Variants in STAG1 observed in about 807,000 individuals in gnomAD.
STAG1 encodes STAG1 cohesin complex component, also known as cohesin subunit SA-1.
Under a neutral mutation model 170.9 loss-of-function variants are expected in STAG1, and 26 were observed. The ratio of observed to expected loss-of-function variants is 0.15; its 90% CI spans 0.11 to 0.21. The LOEUF is 0.21. Ranked by LOEUF, STAG1 falls within the 10% of genes least tolerant of loss-of-function variation. The pLI is 1.00. For missense variants in STAG1, 964 were observed against 1,509.5 expected (o/e 0.64, Z 5.99); for synonymous variants, 514 against 497.7 (o/e 1.03, Z -0.44).
Position 136,474,899 on chromosome 3 carries a change from A to T in STAG1, c.1027-1262T>A, listed in dbSNP as rs545380249. On this transcript the variant is annotated intron_variant, in intron 10 of 33. Coordinates refer to ENST00000383202, the MANE Select transcript of STAG1 (RefSeq NM_005862.3). ...ATAGACCCCTAGGAGGTTATGCTCC[A>T]TCTTTCCTCTCCCAACCACTTCCCT... Among the ~76,000 whole-genome samples the T allele has an allele frequency of 2.5e-4, 38 of 152,242 alleles. No homozygotes were observed. The South Asian group carries it at 7.2e-3, about 29-fold the overall frequency.
intron 25 of STAG1, among the ~76,000 whole-genome samples, chr3:136,365,083 G>A (rs948588546): frequency 2.0e-5 from 3 of 152,126 alleles, no homozygotes; most frequent in African/African-American, 4.8e-5. Flanking sequence ...TCACAAAAAG[G>A]TTAGAGCCTA....
intron 1 of STAG1, among the ~76,000 whole-genome samples, chr3:136,707,445 T>C (rs1943258944): frequency 6.6e-6 from 1 of 152,206 alleles, no homozygotes; most frequent in Non-Finnish European, 1.5e-5. Flanking sequence ...AATGTTCAAC[T>C]TCATCGGTCA....
At chr3:136,461,385 T>A (rs2089268947) in intron 13 of STAG1, among the ~76,000 whole-genome samples, 1 of 152,188 alleles carries the variant, frequency 6.6e-6, no homozygotes, top group South Asian at 2.1e-4. Context: ...AGTCAAATCA[T>A]CTTTGTTTGT....
chr3:136,500,818 T>TA lies in STAG1; in HGVS notation c.829-523_829-522insT, dbSNP rs1933425032. ...TAAAAAGGATCCTGGCTACTTATGG[T>TA]GAAGTACAGTAACAAAATAAATAGT... On this transcript the variant is annotated intron_variant, in intron 8 of 33. Transcript: ENST00000383202. 2.6e-5 allele frequency among the ~76,000 whole-genome samples: 4 copies of TA among 152,254 alleles called. No homozygotes were observed. The South Asian group carries it at 8.3e-4, about 32-fold the overall frequency.
intron 28 of STAG1, among the ~76,000 whole-genome samples, chr3:136,354,835 C>T (rs371567153): frequency 3.7e-5 from 4 of 108,820 alleles, no homozygotes; most frequent in East Asian, 5.9e-4. Flanking sequence ...TAGAGAATGT[C>T]AGGTTGAATT....
chr3:136,643,324 C>T (rs1043075984), intron 1 of STAG1, among the ~76,000 whole-genome samples: 2 of 152,128 alleles, frequency 1.3e-5, no homozygotes, highest in Admixed American at 6.5e-5. Context: ...TAAGAAGTTG[C>T]TATTTCTAGT....
intron 9 of STAG1, among the ~76,000 whole-genome samples, chr3:136,497,842 G>A (rs1333214956): frequency 2.8e-5 from 4 of 143,482 alleles, no homozygotes; most frequent in East Asian, 2.1e-4. Context: ...GCAACAGAGC[G>A]AGACTCATCT....
At chr3:136,355,626 G>GT in intron 28 of STAG1, among the ~76,000 whole-genome samples, 1 of 152,110 alleles carries the variant, frequency 6.6e-6, no homozygotes, top group African/African-American at 2.4e-5. Context: ...AACCAGAATG[G>GT]TAACACATTT....
chr3:136,392,363 A>G (rs1475125205), intron 22 of STAG1, among the ~76,000 whole-genome samples: 1 of 152,230 alleles, frequency 6.6e-6, no homozygotes, highest in Non-Finnish European at 1.5e-5. Flanking sequence ...TATTCTCTAT[A>G]AACTTTTCTT....
chr3:136,555,596 T>A (rs1004150179), intron 5 of STAG1, among the ~76,000 whole-genome samples: 3 of 151,988 alleles, frequency 2.0e-5, no homozygotes, highest in Non-Finnish European at 2.9e-5. Context: ...GGTAGTAGAA[T>A]CCGCTTGAAC....
chr3:136,551,190 A>AGGTT (rs1936365273), intron 5 of STAG1, among the ~76,000 whole-genome samples: 1 of 119,722 alleles, frequency 8.4e-6, no homozygotes. Flanking sequence ...TGAGAGAGAG[A>AGGTT]GAGAGGTTGA....
intron 12 of STAG1, among the ~76,000 whole-genome samples, chr3:136,472,017 T>C (rs1254064525): frequency 1.3e-5 from 2 of 152,088 alleles, no homozygotes; most frequent in Non-Finnish European, 2.9e-5. Flanking sequence ...TTTTAATCAT[T>C]TGTAGAGACA....
chr3:136,527,425 C>T (rs1367058789), intron 6 of STAG1, among the ~76,000 whole-genome samples: 1 of 152,180 alleles, frequency 6.6e-6, no homozygotes, highest in Non-Finnish European at 1.5e-5. Flanking sequence ...AGTTCTAGTG[C>T]CATGGTTTTC....
intron 23 of STAG1, among the ~76,000 whole-genome samples, chr3:136,373,396 G>C (rs929488874): frequency 5.9e-5 from 9 of 152,060 alleles, no homozygotes; most frequent in African/African-American, 2.2e-4. Context: ...GCTAGCTTTT[G>C]AATGTGCTTG....
At chr3:136,376,005 T>TAATTAACAAAATAAAATAAAATAAAATA (rs1175764770) in intron 23 of STAG1, among the ~76,000 whole-genome samples, 4,391 of 61,522 alleles carry the variant, frequency 0.071, 159 homozygotes, top group Admixed American at 0.12. Context: ...AATAAATAAA[T>TAATTAACAAAATAAAATAAAATAAAATA]AAATAATTAA....
chr3:136,543,516 T>G (rs969912408), intron 5 of STAG1, among the ~76,000 whole-genome samples: 1 of 152,182 alleles, frequency 6.6e-6, no homozygotes, highest in Non-Finnish European at 1.5e-5. Context: ...CAGACTGTAA[T>G]TGTAGTTGCA....
chr3:136,618,549 G>A (rs1257384172), intron 3 of STAG1, among the ~76,000 whole-genome samples: 2 of 152,114 alleles, frequency 1.3e-5, no homozygotes, highest in East Asian at 1.9e-4. Context: ...AAATAATGTT[G>A]AGAATATAGA....
intron 24 of STAG1, 69 bp downstream of exon 24, chr3:136,369,039 T>C (rs1937191168): frequency 7.5e-7 from 1 of 1,340,722 alleles, no homozygotes; most frequent in Non-Finnish European, 9.8e-7. Flanking sequence ...ACTGAATTTG[T>C]TTCTTTTCTC....
chr3:136,349,422 T>C (rs1225827763), intron 28 of STAG1, 59 bp from the exon 29 acceptor site: 5 of 1,312,878 alleles, frequency 3.8e-6, no homozygotes, highest in Non-Finnish European at 5.5e-6. Flanking sequence ...CATCACTTAC[T>C]TTTTCTTAAT....
Sources: allele counts gnomAD v4.1 joint callset (sites outside exome capture counted in the v4.1 genomes callset), GRCh38; gene constraint gnomAD v4.1.1; transcripts MANE v1.5; gene names NCBI Gene and HGNC (gene_info 2026-07-23, HGNC 2026-07-21).